The following STK10 variants were observed in gnomAD, a reference collection of about 807,000 sequenced individuals.
The protein encoded by STK10 is serine/threonine kinase 10, also known as serine/threonine-protein kinase 10.
STK10 carries 78 observed loss-of-function variants against 113.8 expected under a neutral mutation model. The observed-to-expected ratio is 0.69, with a 90% CI of 0.57 to 0.83. STK10 has a LOEUF of 0.83. Among genes scored for constraint, STK10 ranks in the 40% least tolerant of loss-of-function variants. The pLI is 0.00. For missense variants in STK10, 1,109 were observed against 1,280.1 expected (o/e 0.87, Z 2.04); for synonymous variants, 465 against 494.7 (o/e 0.94, Z 0.80).
chr5:172,098,727 C>T (rs561275428), intron 7 of STK10, among the ~76,000 whole-genome samples: 3 of 152,302 alleles, frequency 2.0e-5, no homozygotes, highest in South Asian at 2.1e-4. Context: ...AGAACCAAGG[C>T]ACCTGGTAAA....
rs552811609 is a variant in STK10 at position 172,174,687 on chromosome 5, G to C, written c.156+13200C>G. Among the ~76,000 whole-genome samples, 11 of 152,198 alleles carry C rather than the reference G, an allele frequency of 7.2e-5. No homozygotes were observed. The East Asian group carries it at 2.1e-3, about 29-fold the overall frequency. ...CACCATGGTCAGGGAGCGGTGGTCG[G>C]GACAGGCCTCTCTGAGGAGGGAATC... On this transcript the variant is annotated intron_variant, in intron 1 of 18. Coordinates refer to ENST00000176763, the MANE Select transcript of STK10 (RefSeq NM_005990.4).
chr5:172,098,374 G>A (rs999417712), intron 7 of STK10, among the ~76,000 whole-genome samples: 1 of 152,116 alleles, frequency 6.6e-6, no homozygotes, highest in Non-Finnish European at 1.5e-5. Flanking sequence ...GAGACCCAAG[G>A]GAAAGATCTG....
At chr5:172,185,015 A>G (rs1006885820) in intron 1 of STK10, among the ~76,000 whole-genome samples, 1 of 152,092 alleles carries the variant, frequency 6.6e-6, no homozygotes, top group Non-Finnish European at 1.5e-5. Flanking sequence ...AACCAAGAGG[A>G]GACAGTATCG....
chr5:172,071,471 G>T (rs931155856), intron 12 of STK10, among the ~76,000 whole-genome samples: 2 of 151,856 alleles, frequency 1.3e-5, no homozygotes, highest in Non-Finnish European at 2.9e-5. Flanking sequence ...ATCTTCAGTA[G>T]GGGATTTTCC....
intron 1 of STK10, among the ~76,000 whole-genome samples, chr5:172,178,318 G>A (rs1022908588): frequency 1.3e-5 from 2 of 152,086 alleles, no homozygotes; most frequent in African/African-American, 4.8e-5. Flanking sequence ...CAGCAACCTC[G>A]GGCCACTCAT....
At chr5:172,126,826 T>A (rs1442084948) in intron 3 of STK10, among the ~76,000 whole-genome samples, 1 of 152,130 alleles carries the variant, frequency 6.6e-6, no homozygotes, top group South Asian at 2.1e-4. Flanking sequence ...GGTATCTCGG[T>A]TTTACCTCCT....
chr5:172,183,110 G>C (rs897732745), intron 1 of STK10, among the ~76,000 whole-genome samples: 2 of 152,150 alleles, frequency 1.3e-5, no homozygotes, highest in Non-Finnish European at 2.9e-5. Context: ...TGGAGGCTGA[G>C]ACAGGAGGAT....
At chr5:172,066,567 A>G (rs765488053) in intron 12 of STK10, among the ~76,000 whole-genome samples, 2 of 152,196 alleles carry the variant, frequency 1.3e-5, no homozygotes, top group Admixed American at 6.5e-5. Flanking sequence ...AAGGTGGATC[A>G]CTTGAGGTCA....
chr5:172,176,898 G>A (rs1451676898), intron 1 of STK10, among the ~76,000 whole-genome samples: 1 of 152,200 alleles, frequency 6.6e-6, no homozygotes, highest in Non-Finnish European at 1.5e-5. Flanking sequence ...CCAGAGGCCG[G>A]TGCGGTGGCT....
intron 10 of STK10, among the ~76,000 whole-genome samples, chr5:172,086,663 G>A (rs923604315): frequency 1.3e-5 from 2 of 152,182 alleles, no homozygotes; most frequent in African/African-American, 4.8e-5. Flanking sequence ...AAACGCCAGG[G>A]GTCAGGTATG....
chr5:172,104,186 G>C (rs1017463501), intron 7 of STK10, among the ~76,000 whole-genome samples: 1 of 152,220 alleles, frequency 6.6e-6, no homozygotes, highest in Admixed American at 6.5e-5. Flanking sequence ...TCATGCTGAG[G>C]GCAGGACCGG....
chr5:172,160,602 G>A (rs1176733155), intron 1 of STK10, among the ~76,000 whole-genome samples: 3 of 152,130 alleles, frequency 2.0e-5, no homozygotes, highest in African/African-American at 7.2e-5. Context: ...TCTCCACCGT[G>A]GCACCTTCCT....
At chr5:172,065,680 CG>C (rs1056837096) in intron 12 of STK10, among the ~76,000 whole-genome samples, 12 of 152,294 alleles carry the variant, frequency 7.9e-5, no homozygotes, top group African/African-American at 2.6e-4. Context: ...GAGATAAGCA[CG>C]TGACCCTCAC....
At chr5:172,155,107 G>A (rs955103525) in intron 2 of STK10, among the ~76,000 whole-genome samples, 6 of 150,732 alleles carry the variant, frequency 4.0e-5, no homozygotes, top group Non-Finnish European at 7.4e-5. Context: ...GACAGAAAGT[G>A]GGTGGCTGGG....
Position 172,171,813 on chromosome 5 carries a change from G to A in STK10, c.157-15025C>T, listed in dbSNP as rs532747939. 6.3e-4 allele frequency among the ~76,000 whole-genome samples: 91 copies of A among 144,638 alleles called. 2 individuals carry two copies. The South Asian group carries it at 0.02, about 31-fold the overall frequency. 94.9% of individuals were successfully genotyped at this position (144,638 alleles called of 152,430 possible). A position where few individuals can be genotyped will look rare whatever the true frequency, so the allele number is the denominator to read the frequency against. ...ATATTCACTCATTATACTCTCTCTG[G>A]CCACAAATATATTCTTCCATACTTT... On this transcript the variant is annotated intron_variant, in intron 1 of 18. Transcript: ENST00000176763.
In STK10 at chr5:172,043,275, AG is replaced by A. The variant is rs1245619721; in HGVS notation, c.*1606del. 6.6e-6 allele frequency: 1 copy of A among 152,092 alleles called. No homozygotes were observed. Among genetic ancestry groups the A allele is most frequent in the Non-Finnish European group, 1.5e-5 (1 of 68,056 alleles). The allele number at this position is 152,092 out of a possible 1,614,324, so 9.4% of individuals were successfully genotyped here. On this transcript the variant is annotated 3_prime_UTR_variant, in exon 19 of 19. Coordinates refer to ENST00000176763, the MANE Select transcript of STK10 (RefSeq NM_005990.4). ...ACGCCTGGCTAATTTTTGTACTTTT[AG>A]TAGAGACAGGGTTTTGCCATGTTGG... is the stretch of plus-strand genomic sequence containing the variant.
intron 18 of STK10, among the ~76,000 whole-genome samples, chr5:172,046,605 AT>A (rs1767500759): frequency 6.6e-6 from 1 of 152,180 alleles, no homozygotes; most frequent in Non-Finnish European, 1.5e-5. Flanking sequence ...CTGTTTAAGC[AT>A]TATTCTGTTC....
intron 12 of STK10, among the ~76,000 whole-genome samples, chr5:172,078,973 A>G (rs1768373044): frequency 6.6e-6 from 1 of 151,550 alleles, no homozygotes; most frequent in Non-Finnish European, 1.5e-5. Context: ...ACACACACAC[A>G]CACACACGGT....
chr5:172,054,844 G>C (rs767382811), intron 16 of STK10, 150 bp from the exon 17 acceptor site: 12 of 1,199,938 alleles, frequency 1.0e-5, no homozygotes, highest in Non-Finnish European at 1.4e-5. Context: ...CTGTGCCCGT[G>C]TTAAGTCCTC....
Sources: allele counts gnomAD v4.1 joint callset (sites outside exome capture counted in the v4.1 genomes callset), GRCh38; gene constraint gnomAD v4.1.1; transcripts MANE v1.5; gene names NCBI Gene and HGNC (gene_info 2026-07-23, HGNC 2026-07-21).